The following IL1RAPL1 variants were observed in gnomAD, a reference collection of about 807,000 sequenced individuals.
IL1RAPL1 encodes the protein interleukin-1 receptor accessory protein-like 1.
In IL1RAPL1, 3 loss-of-function variants were observed where a neutral mutation model predicts 48.4. The observed-to-expected ratio is 0.06, with a 90% CI of 0.03 to 0.16. The LOEUF (loss-of-function observed/expected upper bound fraction) is 0.16. Ranked by LOEUF, IL1RAPL1 falls within the 10% of genes least tolerant of loss-of-function variation. The pLI, the probability that IL1RAPL1 is intolerant of heterozygous loss-of-function variation, is 1.00. For missense variants in IL1RAPL1, 349 were observed against 530.6 expected (o/e 0.66, Z 3.36); for synonymous variants, 185 against 187.7 (o/e 0.99, Z 0.12).
At chrX:29,618,106 A>G (rs1241382556) in intron 5 of IL1RAPL1, among the ~76,000 whole-genome samples, 2 of 112,003 alleles carry the variant, frequency 1.8e-5, no homozygotes, top group Non-Finnish European at 3.8e-5. Flanking sequence ...TCTAAAATAC[A>G]ACAAAAGAAT....
chrX:28,818,071 GAACAATAC>G (rs1422345144), intron 2 of IL1RAPL1, among the ~76,000 whole-genome samples: 1 of 110,955 alleles, frequency 9.0e-6, no homozygotes, highest in Non-Finnish European at 1.9e-5. Flanking sequence ...TCAAATGTTA[GAACAATAC>G]ATCATGATGC....
At chrX:28,912,315 C>G (rs1923380933) in intron 2 of IL1RAPL1, among the ~76,000 whole-genome samples, 1 of 110,174 alleles carries the variant, frequency 9.1e-6, no homozygotes, top group African/African-American at 3.3e-5. Context: ...TGCAGTAATT[C>G]AGTGTTACTC....
Position 29,584,801 on chromosome X carries a change from G to T in IL1RAPL1, c.704-83629G>T, listed in dbSNP as rs540885064. On this transcript the variant is annotated intron_variant, in intron 5 of 10. Coordinates refer to ENST00000378993, the MANE Select transcript of IL1RAPL1 (RefSeq NM_014271.4). ...GCTCCTGGACTCAAGCTATCATCCC[G>T]CCTTGGCCTCCCAAAGTGTTGGGAT... is the stretch of plus-strand genomic sequence containing the variant. 6.3e-5 allele frequency among the ~76,000 whole-genome samples: 7 copies of T among 111,645 alleles called. No homozygotes were observed. The East Asian group carries it at 2.0e-3, about 32-fold the overall frequency.
chrX:28,713,373 G>A (rs1000676638), intron 1 of IL1RAPL1, among the ~76,000 whole-genome samples: 18 of 111,165 alleles, frequency 1.6e-4, no homozygotes, highest in African/African-American at 5.2e-4. Context: ...ATTTTTTACC[G>A]GACTTTTAAT....
At chrX:29,240,224 ATTTTTTTTTT>A (rs55639151) in intron 2 of IL1RAPL1, among the ~76,000 whole-genome samples, 9 of 13,340 alleles carry the variant, frequency 6.7e-4, no homozygotes, top group Admixed American at 3.1e-3. Flanking sequence ...ATATATATAT[ATTTTTTTTTT>A]TTTTTTTTTT....
chrX:28,957,872 T>C (rs1002044919), intron 2 of IL1RAPL1, among the ~76,000 whole-genome samples: 4 of 110,062 alleles, frequency 3.6e-5, no homozygotes, highest in Non-Finnish European at 7.6e-5. Flanking sequence ...GGCAGGAGAA[T>C]CGCTTGAACC....
chrX:29,048,912 G>C (rs1038715205), intron 2 of IL1RAPL1, among the ~76,000 whole-genome samples: 1 of 112,405 alleles, frequency 8.9e-6, no homozygotes, highest in Non-Finnish European at 1.9e-5. Flanking sequence ...CTTGATTTCA[G>C]AGATATTAAA....
chrX:29,499,549 T>G (rs142658964), intron 5 of IL1RAPL1, among the ~76,000 whole-genome samples: 3,696 of 111,900 alleles, frequency 0.033, 142 homozygotes, highest in African/African-American at 0.11. Flanking sequence ...CACACAACTT[T>G]AGGCTATATG....
At chrX:29,136,784 CT>C (rs756750703) in intron 2 of IL1RAPL1, among the ~76,000 whole-genome samples, 42 of 111,875 alleles carry the variant, frequency 3.8e-4, no homozygotes, top group Non-Finnish European at 3.0e-4. Context: ...ATGGATGATG[CT>C]TAGTACAATG....
Position 29,465,761 on chromosome X carries a change from T to C in IL1RAPL1, c.703+66453T>C, listed in dbSNP as rs752438901. 2.1e-3 allele frequency among the ~76,000 whole-genome samples: 234 copies of C among 111,717 alleles called. 2 individuals carry two copies. Among genetic ancestry groups the C allele is most frequent in the African/African-American group, 7.2e-3 (221 of 30,646 alleles). ...CTCAACTGCCCATTGGAATCATCTG[T>C]GGAACTTGGCAAACTATTAGTGATT... On this transcript the variant is annotated intron_variant, in intron 5 of 10. Transcript: ENST00000378993.
chrX:29,606,435 G>A (rs1427835433), intron 5 of IL1RAPL1, among the ~76,000 whole-genome samples: 4 of 111,878 alleles, frequency 3.6e-5, no homozygotes, highest in South Asian at 3.7e-4. Context: ...TTTTATCACC[G>A]TACACCAGCA....
chrX:29,192,672 C>T (rs1239740150), intron 2 of IL1RAPL1, among the ~76,000 whole-genome samples: 6 of 111,572 alleles, frequency 5.4e-5, no homozygotes, highest in Non-Finnish European at 9.4e-5. Flanking sequence ...TGATATCTTC[C>T]AAATAAAATG....
At chrX:29,655,460 C>T (rs1172129818) in intron 5 of IL1RAPL1, among the ~76,000 whole-genome samples, 38 of 110,335 alleles carry the variant, frequency 3.4e-4, no homozygotes, top group Admixed American at 3.1e-3. Context: ...GACAGGAGTT[C>T]GAGACCAGCC....
chrX:28,908,804 T>A (rs1344373483), intron 2 of IL1RAPL1, among the ~76,000 whole-genome samples: 3 of 112,201 alleles, frequency 2.7e-5, no homozygotes, highest in African/African-American at 9.7e-5. Flanking sequence ...TCTCCAACTT[T>A]AATAGTGGAT....
chrX:29,770,176 C>T (rs1375452154), intron 6 of IL1RAPL1, among the ~76,000 whole-genome samples: 1 of 111,801 alleles, frequency 8.9e-6, no homozygotes, highest in Non-Finnish European at 1.9e-5. Flanking sequence ...TGTAGAATTA[C>T]AGGAATAAAA....
chrX:29,802,811 G>A (rs6526931), intron 6 of IL1RAPL1, among the ~76,000 whole-genome samples: 10,626 of 38,742 alleles, frequency 0.27, 1,991 homozygotes, highest in East Asian at 0.45. Context: ...ATATATATAT[G>A]TGTGTATATA....
chrX:28,842,516 A>G (rs1036561560), intron 2 of IL1RAPL1, among the ~76,000 whole-genome samples: 1 of 111,026 alleles, frequency 9.0e-6, no homozygotes, highest in African/African-American at 3.3e-5. Flanking sequence ...ATGCACCTCA[A>G]AACAGCCTAA....
At chrX:29,850,013 G>T (rs1931330187) in intron 6 of IL1RAPL1, among the ~76,000 whole-genome samples, 1 of 111,271 alleles carries the variant, frequency 9.0e-6, no homozygotes, top group African/African-American at 3.3e-5. Context: ...CTCTTGAGTG[G>T]CTAAAATCTT....
intron 1 of IL1RAPL1, among the ~76,000 whole-genome samples, chrX:28,770,861 G>T: frequency 2.7e-5 from 3 of 112,188 alleles, no homozygotes; most frequent in Middle Eastern, 9.3e-3. Flanking sequence ...TGTTGAAAAT[G>T]GTTGGATATA....
Sources: gnomAD v4.1 joint callset for allele counts (sites outside exome capture counted in the v4.1 genomes callset) on GRCh38, gnomAD v4.1.1 for gene constraint, MANE v1.5 for transcripts, NCBI Gene and HGNC (gene_info 2026-07-23, HGNC 2026-07-21) for gene names.